The following KDM2A variants were observed in gnomAD, a reference collection of about 807,000 sequenced individuals.
The protein encoded by KDM2A is lysine-specific demethylase 2A.
KDM2A carries 3 observed loss-of-function variants against 137.3 expected under a neutral mutation model. The ratio of observed to expected loss-of-function variants is 0.02; its 90% CI spans 0.01 to 0.06. The LOEUF is 0.06. Ranked by LOEUF, KDM2A falls within the 10% of genes least tolerant of loss-of-function variation. The pLI is 1.00. For missense variants in KDM2A, 738 were observed against 1,510.6 expected (o/e 0.49, Z 8.48); for synonymous variants, 512 against 541.5 (o/e 0.95, Z 0.76).
intron 2 of KDM2A, among the ~76,000 whole-genome samples, chr11:67,147,787 C>T (rs950240821): frequency 2.0e-5 from 3 of 151,556 alleles, no homozygotes; most frequent in Non-Finnish European, 4.4e-5. Flanking sequence ...AAGCGATTCT[C>T]CAGCCTCAAC....
intron 5 of KDM2A, among the ~76,000 whole-genome samples, chr11:67,200,217 GT>G (rs71461637): frequency 5.5e-4 from 81 of 147,544 alleles, no homozygotes; most frequent in East Asian, 3.6e-3. Context: ...TGTTTGTGTG[GT>G]TTTTTTTTTT....
At chr11:67,148,766 A>C (rs766780639) in intron 2 of KDM2A, among the ~76,000 whole-genome samples, 1 of 152,038 alleles carries the variant, frequency 6.6e-6, no homozygotes, top group Non-Finnish European at 1.5e-5. Context: ...ATGCCATTGC[A>C]CTCCTGTCTG....
intron 5 of KDM2A, among the ~76,000 whole-genome samples, chr11:67,203,441 A>G (rs1310341089): frequency 1.0e-5 from 1 of 99,288 alleles, no homozygotes; most frequent in Non-Finnish European, 2.0e-5. Flanking sequence ...TAAATAATAT[A>G]TTAATATAAT....
In KDM2A at chr11:67,119,836, C is replaced by T. The variant is rs957437916; in HGVS notation, c.-297C>T. 6.6e-6 allele frequency: 1 copy of T among 151,830 alleles called. No individual in the cohort carries two copies. Among genetic ancestry groups the T allele is most frequent in the African/African-American group, 2.4e-5 (1 of 41,420 alleles). 9.4% of individuals were successfully genotyped at this position (151,830 alleles called of 1,614,324 possible). ...CTCGGCGCCGAGGGGTCGCGCTCCT[C>T]TCTCCTGACGCCTCCGACTCCCGGT... is the stretch of plus-strand genomic sequence containing the variant. On this transcript the variant is annotated 5_prime_UTR_variant, in exon 1 of 21. Coordinates refer to ENST00000529006, the MANE Select transcript of KDM2A (RefSeq NM_012308.3).
chr11:67,235,144 CAAAAAAA>C (rs963893914), intron 12 of KDM2A, among the ~76,000 whole-genome samples: 15 of 63,724 alleles, frequency 2.4e-4, no homozygotes, highest in Admixed American at 7.9e-4. Context: ...GACTCCATCT[CAAAAAAA>C]AAAAAAAAAG....
At chr11:67,192,769 G>A (rs1362398957) in intron 5 of KDM2A, among the ~76,000 whole-genome samples, 1 of 151,720 alleles carries the variant, frequency 6.6e-6, no homozygotes, top group Non-Finnish European at 1.5e-5. Context: ...TACAAATAAT[G>A]CTACAATGAA....
chr11:67,148,876 A>G (rs964045691), intron 2 of KDM2A, among the ~76,000 whole-genome samples: 1 of 152,064 alleles, frequency 6.6e-6, no homozygotes, highest in African/African-American at 2.4e-5. Flanking sequence ...TGTCTATGGT[A>G]TTTTGCCTAG....
intron 2 of KDM2A, among the ~76,000 whole-genome samples, chr11:67,143,582 A>G (rs1377556769): frequency 3.3e-5 from 5 of 151,996 alleles, no homozygotes; most frequent in Admixed American, 2.0e-4. Flanking sequence ...CAGTGGAATT[A>G]TATTTTAGTT....
intron 2 of KDM2A, among the ~76,000 whole-genome samples, chr11:67,147,111 C>T (rs1206415638): frequency 2.6e-5 from 4 of 152,128 alleles, no homozygotes; most frequent in South Asian, 2.1e-4. Context: ...CATGTAAGTC[C>T]GATGTATGTC....
intron 2 of KDM2A, among the ~76,000 whole-genome samples, chr11:67,152,785 T>G (rs1010196875): frequency 2.0e-5 from 3 of 152,142 alleles, no homozygotes; most frequent in African/African-American, 7.2e-5. Context: ...TTTAATGATT[T>G]CAGTTCAGTA....
chr11:67,167,168 G>GA (rs1856766213), intron 2 of KDM2A, among the ~76,000 whole-genome samples: 1 of 152,148 alleles, frequency 6.6e-6, no homozygotes, highest in Non-Finnish European at 1.5e-5. Context: ...AAAACCTTTG[G>GA]AAAAACCAAG....
chr11:67,128,095 C>A (rs530749893), intron 2 of KDM2A, among the ~76,000 whole-genome samples: 75 of 150,706 alleles, frequency 5.0e-4, no homozygotes, highest in African/African-American at 1.8e-3. Context: ...GCAGCATCAG[C>A]CTCCCCAAGT....
intron 5 of KDM2A, among the ~76,000 whole-genome samples, chr11:67,206,354 C>T (rs890065701): frequency 1.3e-5 from 2 of 152,204 alleles, no homozygotes; most frequent in African/African-American, 4.8e-5. Context: ...TCTCTTGAAC[C>T]TGGGAGGTGG....
At chr11:67,133,320 T>G (rs1244411428) in intron 2 of KDM2A, among the ~76,000 whole-genome samples, 3 of 152,108 alleles carry the variant, frequency 2.0e-5, no homozygotes, top group African/African-American at 7.2e-5. Context: ...CAGGCTGGTC[T>G]CAAACTCCTG....
At chr11:67,127,396 C>T (rs1855755059) in intron 2 of KDM2A, among the ~76,000 whole-genome samples, 1 of 151,950 alleles carries the variant, frequency 6.6e-6, no homozygotes, top group South Asian at 2.1e-4. Context: ...GCTGGGAGTA[C>T]AGGTGTGAGC....
At chr11:67,168,951 GTTT>G (rs11335055) in intron 2 of KDM2A, among the ~76,000 whole-genome samples, 4 of 62,228 alleles carry the variant, frequency 6.4e-5, no homozygotes, top group South Asian at 1.3e-3. Context: ...AATCCATGTA[GTTT>G]TTTTTTTTTT....
chr11:67,158,493 A>G (rs1268371875), intron 2 of KDM2A, among the ~76,000 whole-genome samples: 1 of 152,170 alleles, frequency 6.6e-6, no homozygotes, highest in Non-Finnish European at 1.5e-5. Flanking sequence ...CTGTTTTCCA[A>G]AGTAGCTGTA....
At chr11:67,176,449 C>T (rs926722991) in intron 2 of KDM2A, among the ~76,000 whole-genome samples, 8 of 152,152 alleles carry the variant, frequency 5.3e-5, no homozygotes, top group African/African-American at 1.9e-4. Context: ...TTACCACTAC[C>T]ACTGGCACAT....
At chr11:67,199,158 A>G (rs1857558064) in intron 5 of KDM2A, among the ~76,000 whole-genome samples, 1 of 152,128 alleles carries the variant, frequency 6.6e-6, no homozygotes, top group Admixed American at 6.6e-5. Flanking sequence ...GCAGACTTGA[A>G]ATGTTGTATA....
Sources: gnomAD v4.1 joint callset for allele counts (sites outside exome capture counted in the v4.1 genomes callset) on GRCh38, gnomAD v4.1.1 for gene constraint, MANE v1.5 for transcripts, NCBI Gene and HGNC (gene_info 2026-07-23, HGNC 2026-07-21) for gene names.